Variants in SMYD3 observed in about 807,000 individuals in gnomAD.
SMYD3 encodes the protein SET and MYND domain containing 3, also known as histone-lysine N-methyltransferase SMYD3.
SMYD3 carries 36 observed loss-of-function variants against 57.7 expected under a neutral mutation model. That is an observed-to-expected ratio of 0.62 (90% CI 0.48 to 0.82). The LOEUF (loss-of-function observed/expected upper bound fraction) is 0.82, where lower values mean the gene tolerates loss of function less well. Among genes scored for constraint, SMYD3 ranks in the 40% least tolerant of loss-of-function variants. The probability of loss-of-function intolerance (pLI) is 0.00; values close to 1 mark genes in which losing one functional copy is unlikely to be tolerated. For synonymous variants in SMYD3, 211 were observed against 195.0 expected (o/e 1.08, Z -0.68); for missense variants, 515 against 538.8 (o/e 0.96, Z 0.44).
intron 10 of SMYD3, among the ~76,000 whole-genome samples, chr1:245,820,995 C>G (rs1318316498): frequency 3.3e-5 from 5 of 150,966 alleles, no homozygotes; most frequent in Non-Finnish European, 7.4e-5. Context: ...GATTCAATGC[C>G]ATCCCCATGA....
chr1:246,108,432 T>C (rs906696527), intron 5 of SMYD3, among the ~76,000 whole-genome samples: 1 of 152,194 alleles, frequency 6.6e-6, no homozygotes, highest in Non-Finnish European at 1.5e-5. Context: ...CAATTAATGT[T>C]ATCAACATCC....
chr1:245,920,738 G>A (rs1204179075), intron 7 of SMYD3, among the ~76,000 whole-genome samples: 5 of 152,140 alleles, frequency 3.3e-5, no homozygotes, highest in African/African-American at 7.2e-5. Context: ...GTGCTAGGAC[G>A]GCTGGCTAGC....
chr1:246,498,730 CAAAA>C (rs1247516323), intron 1 of SMYD3, among the ~76,000 whole-genome samples: 3 of 68,080 alleles, frequency 4.4e-5, no homozygotes, highest in Non-Finnish European at 3.2e-5. Flanking sequence ...GACTCCGTCT[CAAAA>C]AAAAAAAAAA....
chr1:246,207,868 A>G (rs2063025320), intron 5 of SMYD3, among the ~76,000 whole-genome samples: 1 of 143,500 alleles, frequency 7.0e-6, no homozygotes, highest in Non-Finnish European at 1.5e-5. Context: ...CAGGAATCAC[A>G]TTAATAAGAG....
Position 246,117,618 on chromosome 1 carries a change from G to A in SMYD3, c.532-187681C>T, listed in dbSNP as rs576372250. Among the ~76,000 whole-genome samples the A allele has an allele frequency of 5.3e-5, 8 of 152,194 alleles. No homozygotes were observed. The South Asian group carries it at 1.2e-3, about 24-fold the overall frequency. ...TCCTGACCCCAGTGCTCGCTCTTGC[G>A]CACTCTCTCTCTCTCCCTTCAACTT... On this transcript the variant is annotated intron_variant, in intron 5 of 11. Transcript: ENST00000490107.
At chr1:246,181,021 T>C (rs1270291572) in intron 5 of SMYD3, among the ~76,000 whole-genome samples, 1 of 152,106 alleles carries the variant, frequency 6.6e-6, no homozygotes, top group Non-Finnish European at 1.5e-5. Context: ...ACAGATAAAG[T>C]GATCATTTAA....
intron 1 of SMYD3, among the ~76,000 whole-genome samples, chr1:246,477,090 A>T (rs2068038935): frequency 6.6e-6 from 1 of 152,212 alleles, no homozygotes; most frequent in Non-Finnish European, 1.5e-5. Context: ...TTCTTCTTTC[A>T]ATCTAGACCA....
At position 245,961,944 on chromosome 1, in the gene SMYD3, C is replaced by G. The variant is rs187678040; in HGVS notation, c.532-32007G>C. 2.4e-3 allele frequency among the ~76,000 whole-genome samples: 373 copies of G among 152,266 alleles called. 2 individuals are homozygous for G. Among genetic ancestry groups the G allele is most frequent in the African/African-American group, 8.4e-3 (347 of 41,556 alleles). On this transcript the variant is annotated intron_variant, in intron 5 of 11. Transcript: ENST00000490107. ...ACTGCACGGTTATTACAGCTGGGAA[C>G]TGATTTCGCTGATTTCCACGGTAAC...
rs368040663 is a variant in SMYD3 at position 246,054,903 on chromosome 1, C to T, written c.532-124966G>A. Among the ~76,000 whole-genome samples the T allele has an allele frequency of 7.9e-4, 109 of 138,332 alleles. 2 individuals are homozygous for T. Among genetic ancestry groups the T allele is most frequent in the African/African-American group, 2.6e-3 (93 of 36,148 alleles). The allele number at this position is 138,332 out of a possible 152,430, so 90.8% of individuals were successfully genotyped here. On this transcript the variant is annotated intron_variant, in intron 5 of 11. Coordinates refer to ENST00000490107, the MANE Select transcript of SMYD3 (RefSeq NM_001167740.2). ...AAAAAAAAAAAAAAAAGGCCAGGTG[C>T]GGCGGCTCACGCCTGTAATCCCAGC...
intron 5 of SMYD3, among the ~76,000 whole-genome samples, chr1:246,251,301 T>C (rs1173678658): frequency 1.3e-5 from 2 of 152,238 alleles, no homozygotes; most frequent in African/African-American, 2.4e-5. Context: ...GTGACTTTAC[T>C]TGGAATATTC....
At chr1:245,761,046 G>A (rs1322706956) in intron 11 of SMYD3, among the ~76,000 whole-genome samples, 5 of 152,114 alleles carry the variant, frequency 3.3e-5, no homozygotes, top group Non-Finnish European at 7.4e-5. Flanking sequence ...CTAAATCCTT[G>A]CACTCTTTCT....
chr1:246,107,102 A>ATCCTGG (rs58470168), intron 5 of SMYD3, among the ~76,000 whole-genome samples: 17 of 142,896 alleles, frequency 1.2e-4, no homozygotes, highest in South Asian at 5.0e-4. Context: ...GATCGAGACC[A>ATCCTGG]CGGTGAAACC....
intron 1 of SMYD3, among the ~76,000 whole-genome samples, chr1:246,502,430 C>G (rs1265639367): frequency 6.6e-6 from 1 of 152,146 alleles, no homozygotes; most frequent in Non-Finnish European, 1.5e-5. Flanking sequence ...CCATGCCCAG[C>G]CTGCTTTATC....
At chr1:246,360,454 A>T (rs2065970458) in intron 1 of SMYD3, among the ~76,000 whole-genome samples, 1 of 152,132 alleles carries the variant, frequency 6.6e-6, no homozygotes, top group African/African-American at 2.4e-5. Flanking sequence ...GAAAAAAAAA[A>T]TCCTAAAATT....
At chr1:246,422,947 G>GA (rs568099135) in intron 1 of SMYD3, among the ~76,000 whole-genome samples, 2 of 151,458 alleles carry the variant, frequency 1.3e-5, no homozygotes, top group African/African-American at 4.9e-5. Context: ...TTCAAAAGAA[G>GA]AAAAAAAACA....
chr1:246,219,746 G>C (rs1217681414), intron 5 of SMYD3, among the ~76,000 whole-genome samples: 1 of 152,162 alleles, frequency 6.6e-6, no homozygotes, highest in Non-Finnish European at 1.5e-5. Context: ...CCAGCCCCCA[G>C]ATGCAGCTGC....
At chr1:246,127,655 C>T (rs146224576) in intron 5 of SMYD3, among the ~76,000 whole-genome samples, 5 of 151,970 alleles carry the variant, frequency 3.3e-5, no homozygotes, top group Middle Eastern at 3.4e-3. Flanking sequence ...CAGCACTTTG[C>T]GGGGCTGAGG....
chr1:246,014,488 T>C (rs995988940), intron 5 of SMYD3, among the ~76,000 whole-genome samples: 1 of 152,164 alleles, frequency 6.6e-6, no homozygotes, highest in African/African-American at 2.4e-5. Flanking sequence ...GTCACGGGCT[T>C]ATCCCTGACT....
intron 5 of SMYD3, among the ~76,000 whole-genome samples, chr1:246,145,838 A>G (rs2061835085): frequency 6.6e-6 from 1 of 152,248 alleles, no homozygotes; most frequent in Non-Finnish European, 1.5e-5. Context: ...TGAATTAGTG[A>G]CAATCCAAGA....
Sources: allele counts gnomAD v4.1 joint callset (sites outside exome capture counted in the v4.1 genomes callset), GRCh38; gene constraint gnomAD v4.1.1; transcripts MANE v1.5; gene names NCBI Gene and HGNC (gene_info 2026-07-23, HGNC 2026-07-21).